CPLANE1: variants seen among roughly 807,000 people sequenced by gnomAD.
CPLANE1 encodes the protein ciliogenesis and planar polarity effector complex subunit 1, also known as ciliogenesis and planar polarity effector 1.
CPLANE1 carries 263 observed loss-of-function variants against 362.5 expected under a neutral mutation model. The observed-to-expected ratio is 0.73, with a 90% CI of 0.66 to 0.80. The LOEUF is 0.80. Ranked by LOEUF, CPLANE1 falls within the 30% of genes least tolerant of loss-of-function variation. CPLANE1 has a pLI of 0.00. For synonymous variants in CPLANE1, 1,212 were observed against 1,302.6 expected, an observed-to-expected ratio of 0.93 and a Z score of 1.50; for missense variants, 3,461 against 3,793.4, an observed-to-expected ratio of 0.91 and a Z score of 2.30.
chr5:37,107,964 C>T (rs1483265991), intron 52 of CPLANE1, among the ~76,000 whole-genome samples, 186 bp from the exon 53 acceptor site: 1 of 152,166 alleles, frequency 6.6e-6, no homozygotes, highest in East Asian at 1.9e-4. Context: ...TGGACAAGAG[C>T]TGAACATCAT....
At chr5:37,217,599 A>G (rs1469559616) in intron 15 of CPLANE1, among the ~76,000 whole-genome samples, 1 of 149,020 alleles carries the variant, frequency 6.7e-6, no homozygotes. Flanking sequence ...AGAGCGAGAC[A>G]CCATCTCAAA....
chr5:37,239,384 C>T (rs1026523290), intron 7 of CPLANE1, among the ~76,000 whole-genome samples: 3 of 151,970 alleles, frequency 2.0e-5, no homozygotes, highest in Admixed American at 2.0e-4. Context: ...AATTCAAGAC[C>T]AGCCTGGGCA....
chr5:37,162,681 T>TA, intron 37 of CPLANE1, 115 bp from the exon 38 acceptor site: 1 of 677,798 alleles, frequency 1.5e-6, no homozygotes, highest in Non-Finnish European at 2.4e-6. Flanking sequence ...AGGATGTTAT[T>TA]AAATTTTTTT....
chr5:37,094,868 C>T, the CPLANE1 span, among the ~76,000 whole-genome samples: 1 of 152,108 alleles, frequency 6.6e-6, no homozygotes, highest in Non-Finnish European at 1.5e-5. Context: ...ATACAACCCT[C>T]CTACCTTAAA....
At chr5:37,154,486 GAGAT>G (rs1310347082) in intron 41 of CPLANE1, among the ~76,000 whole-genome samples, 2 of 69,708 alleles carry the variant, frequency 2.9e-5, no homozygotes, top group Non-Finnish European at 4.6e-5. Flanking sequence ...TTTTTTTTAA[GAGAT>G]AGAGCCTTGC....
chr5:37,088,188 C>A, the CPLANE1 span, among the ~76,000 whole-genome samples: 2 of 152,316 alleles, frequency 1.3e-5, no homozygotes, highest in South Asian at 4.1e-4. Flanking sequence ...GTTTATCAAT[C>A]GGTTAACCCA....
At chr5:37,160,513 T>C (rs1580293076) in intron 38 of CPLANE1, among the ~76,000 whole-genome samples, 1 of 150,906 alleles carries the variant, frequency 6.6e-6, no homozygotes, top group East Asian at 2.0e-4. Context: ...TGAGCCAAGA[T>C]TGCACCACTG....
intron 42 of CPLANE1, among the ~76,000 whole-genome samples, chr5:37,151,211 A>G (rs560566973): frequency 2.0e-5 from 3 of 152,118 alleles, no homozygotes; most frequent in South Asian, 2.1e-4. Flanking sequence ...CAAACACTCT[A>G]TGCCATTTGG....
At chr5:37,089,706 G>A in the CPLANE1 span, among the ~76,000 whole-genome samples, 1 of 152,114 alleles carries the variant, frequency 6.6e-6, no homozygotes, top group Admixed American at 6.5e-5. Flanking sequence ...AATCATTATT[G>A]ACTTAAAAGA....
chr5:37,155,845 G>A (rs1774942659), intron 41 of CPLANE1, among the ~76,000 whole-genome samples: 1 of 152,210 alleles, frequency 6.6e-6, no homozygotes, highest in Non-Finnish European at 1.5e-5. Context: ...TTAAATGACA[G>A]AGCTGGGATT....
Position 37,224,635 on chromosome 5 carries a change from T to C in CPLANE1, c.2397A>G (p.Thr799=). 1.3e-6 allele frequency: 2 copies of C among 1,551,186 alleles called. No individual in the cohort carries two copies. The highest frequency in any genetic ancestry group is 4.9e-5 in the East Asian group (2 of 40,850). Residue 799 remains threonine, a synonymous_variant, in exon 13 of 53, where the codon ACA becomes ACG. Coordinates refer to ENST00000651892, the MANE Select transcript of CPLANE1 (RefSeq NM_001384732.1). ...GGGACTTGACAGTAGATGCTTCATGTGTCATCTTTTCAGTTAACTGACTAT... is the reference window on the plus strand; with the variant it reads ...GGGACTTGACAGTAGATGCTTCATGCGTCATCTTTTCAGTTAACTGACTAT... ...EADSQLTEKM[T]HEASTVKSLL... is the part of the protein sequence containing the mutation.
intron 24 of CPLANE1, among the ~76,000 whole-genome samples, chr5:37,185,692 TTA>T (rs1783795710): frequency 6.6e-6 from 1 of 152,122 alleles, no homozygotes; most frequent in Non-Finnish European, 1.5e-5. Flanking sequence ...AAATACTGAA[TTA>T]TAGTTTTAAA....
intron 29 of CPLANE1, 77 bp downstream of exon 29, chr5:37,179,284 A>T: frequency 1.1e-6 from 1 of 941,924 alleles, no homozygotes; most frequent in South Asian, 1.5e-5. Flanking sequence ...TTTAATAACA[A>T]TGAATAAAAA....
chr5:37,103,712 T>A (rs1366337376), downstream of CPLANE1, among the ~76,000 whole-genome samples: 2 of 152,244 alleles, frequency 1.3e-5, no homozygotes, highest in Non-Finnish European at 2.9e-5. Context: ...TCATTTGGCT[T>A]GTTGGGTTTC....
At position 37,149,881 on chromosome 5, in the gene CPLANE1, G is replaced by A. The variant is rs146268269; in HGVS notation, c.8374-1613C>T. Among the ~76,000 whole-genome samples the A allele has an allele frequency of 6.0e-4, 92 of 152,250 alleles. No homozygotes were observed. The East Asian group carries it at 0.016, about 27-fold the overall frequency. On this transcript the variant is annotated intron_variant, in intron 42 of 52. Transcript: ENST00000651892. ...AATTATAAATAACTGTTCTACTGGTGAATCTTTAGTATATAAATGTGATTT... is the reference window on the plus strand; with the variant it reads ...AATTATAAATAACTGTTCTACTGGTAAATCTTTAGTATATAAATGTGATTT...
At chr5:37,229,475 C>T (rs1797226809) in intron 9 of CPLANE1, among the ~76,000 whole-genome samples, 1 of 151,480 alleles carries the variant, frequency 6.6e-6, no homozygotes, top group African/African-American at 2.4e-5. Context: ...GGAGGCGGAG[C>T]TTGCAGTGAG....
chr5:37,200,626 T>A (rs1346291658), intron 19 of CPLANE1, among the ~76,000 whole-genome samples: 4 of 152,192 alleles, frequency 2.6e-5, no homozygotes, highest in Non-Finnish European at 5.9e-5. Context: ...AAAGTGTTAA[T>A]CAAATACTTA....
intron 8 of CPLANE1, among the ~76,000 whole-genome samples, chr5:37,237,595 C>T (rs1275439184): frequency 3.3e-5 from 5 of 152,202 alleles, no homozygotes; most frequent in African/African-American, 4.8e-5. Context: ...GCCTGTAATC[C>T]GAGCACTTTG....
chr5:37,120,937 A>G (rs1762446139), intron 49 of CPLANE1, among the ~76,000 whole-genome samples: 1 of 152,226 alleles, frequency 6.6e-6, no homozygotes, highest in Admixed American at 6.5e-5. Context: ...GATTATGTTT[A>G]CAATTCTAAT....
Sources: gnomAD v4.1 joint callset for allele counts (sites outside exome capture counted in the v4.1 genomes callset) on GRCh38, gnomAD v4.1.1 for gene constraint, MANE v1.5 for transcripts, NCBI Gene and HGNC (gene_info 2026-07-23, HGNC 2026-07-21) for gene names.